RUBCN: variants seen among roughly 807,000 people sequenced by gnomAD.
RUBCN encodes the protein run domain Beclin-1-interacting and cysteine-rich domain-containing protein.
In RUBCN, 74 loss-of-function variants were observed where a neutral mutation model predicts 113.2. That is an observed-to-expected ratio of 0.65 (90% CI 0.54 to 0.79). The LOEUF is 0.79. Among genes scored for constraint, RUBCN ranks in the 30% least tolerant of loss-of-function variants. RUBCN has a pLI of 0.00. For synonymous variants in RUBCN, 480 were observed against 490.0 expected, an observed-to-expected ratio of 0.98 and a Z score of 0.27; for missense variants, 1,109 against 1,251.7, an observed-to-expected ratio of 0.89 and a Z score of 1.72.
At chr3:197,739,552 C>T (rs1265166142), upstream of RUBCN, among the ~76,000 whole-genome samples, 2 of 151,386 alleles carry the variant, frequency 1.3e-5, no homozygotes, top group Admixed American at 6.6e-5. Context: ...AAAAATTAGC[C>T]GGGCGTGGTG....
intron 11 of RUBCN, among the ~76,000 whole-genome samples, chr3:197,690,243 G>C (rs1254962694): frequency 3.9e-5 from 6 of 152,186 alleles, no homozygotes; most frequent in Non-Finnish European, 8.8e-5. Context: ...TTTGAGACCA[G>C]CCTGGCCAAC....
At chr3:197,704,218 T>A (rs1724026847) in intron 4 of RUBCN, among the ~76,000 whole-genome samples, 1 of 152,172 alleles carries the variant, frequency 6.6e-6, no homozygotes, top group South Asian at 2.1e-4. Flanking sequence ...GCAGATCACC[T>A]GAGGTTGGGA....
At chr3:197,695,033 G>A (rs992796657) in intron 9 of RUBCN, among the ~76,000 whole-genome samples, 40 of 152,370 alleles carry the variant, frequency 2.6e-4, no homozygotes, top group African/African-American at 9.4e-4. Context: ...CAGAGTCAAG[G>A]GAACCGCAAT....
chr3:197,742,718 C>A (rs1431327563), intron 1 of RUBCN, among the ~76,000 whole-genome samples: 1 of 152,186 alleles, frequency 6.6e-6, no homozygotes, highest in Non-Finnish European at 1.5e-5. Flanking sequence ...AGGGAACCTG[C>A]GGGGCACAGA....
At chr3:197,676,514 T>C (rs949235722) in intron 18 of RUBCN, 3 of 785,230 alleles carry the variant, frequency 3.8e-6, no homozygotes, top group Non-Finnish European at 5.0e-6. Flanking sequence ...GGTTTCATCA[T>C]GTTCGTCAGG....
Position 197,684,657 on chromosome 3 carries a change from T to C in RUBCN, c.1787-440A>G, listed in dbSNP as rs1316502379. Among the ~76,000 whole-genome samples, 4 of 151,430 alleles carry C rather than the reference T, an allele frequency of 2.6e-5. No homozygotes were observed. In the South Asian group the frequency reaches 8.3e-4, roughly 31 times the overall value. ...TAACTCTGTCTGGCTTATATATATA[T>C]ACATATATATATACACACACACATA... is the stretch of plus-strand genomic sequence containing the variant. On this transcript the variant is annotated intron_variant, in intron 11 of 19. Coordinates refer to ENST00000296343, the MANE Select transcript of RUBCN (RefSeq NM_014687.4).
chr3:197,696,050 G>C lies in RUBCN; in HGVS notation c.1358-69C>G. ...GAAGTCTTAAGCTTTTGTCATTAAA[G>C]ATGCTCCCAAGTCTTCCCAGGTAAC... On this transcript the variant is annotated intron_variant, in intron 8 of 19. Coordinates refer to ENST00000296343, the MANE Select transcript of RUBCN (RefSeq NM_014687.4). 4 of 1,446,990 alleles carry C rather than the reference G, an allele frequency of 2.8e-6. No individual in the cohort carries two copies. The South Asian group carries it at 3.4e-5, about 12-fold the overall frequency. 89.6% of individuals were successfully genotyped at this position (1,446,990 alleles called of 1,614,324 possible).
In RUBCN at chr3:197,675,073, T is replaced by A. The variant is rs746119558; in HGVS notation, c.2864A>T (p.Glu955Val). 1 of 1,613,410 alleles carries A rather than the reference T, an allele frequency of 6.2e-7. No homozygotes were observed. The highest frequency in any genetic ancestry group is 8.5e-7 in the Non-Finnish European group (1 of 1,179,940). Reference protein sequence around the residue: ...QSLESYLSDYEEEPAEALALE... With the variant: ...QSLESYLSDYVEEPAEALALE... ...GGCCAGCGCTTCCGCGGGCTCCTCC[T>A]CGTAGTCTGACAGGTAAGACTCCAG... Residue 955 changes from glutamate to valine, a missense_variant, in exon 20 of 20, where the codon GAG (glutamate) becomes GTG (valine). This residue lies in a region of RUBCN where 306 missense variants were observed against 348.9 expected (regional missense o/e 0.88). Coordinates refer to ENST00000296343, the MANE Select transcript of RUBCN (RefSeq NM_014687.4). This position sits in a 1 kb window ranked among gnomAD's most constrained non-coding sequence, Gnocchi z 4.4.
At chr3:197,724,406 A>G (rs1232653884) in intron 1 of RUBCN, among the ~76,000 whole-genome samples, 1 of 152,228 alleles carries the variant, frequency 6.6e-6, no homozygotes. Flanking sequence ...TATATGAAAT[A>G]TATAATAAAT....
rs930380075 is a variant in RUBCN, at chr3:197,670,981, C to T, written c.*4037G>A. ...GGGGAGGTAGAGGTGGTCACAATCC[C>T]GCCCCTCATGCCACAGTGTGCTGGT... On this transcript the variant is annotated 3_prime_UTR_variant, in exon 20 of 20. Transcript: ENST00000296343. 3.9e-5 allele frequency among the ~76,000 whole-genome samples: 6 copies of T among 152,120 alleles called. No homozygotes were observed. The highest frequency in any genetic ancestry group is 5.9e-5 in the Non-Finnish European group (4 of 68,026).
intron 16 of RUBCN, among the ~76,000 whole-genome samples, chr3:197,680,523 C>T (rs146506098): frequency 0.01 from 1,537 of 151,984 alleles, 30 homozygotes; most frequent in East Asian, 0.072. Context: ...GACTGTCCTA[C>T]GCTCTAACTG....
intron 1 of RUBCN, among the ~76,000 whole-genome samples, chr3:197,728,602 A>G: frequency 6.6e-6 from 1 of 152,236 alleles, no homozygotes; most frequent in East Asian, 1.9e-4. Context: ...CCACAACGTT[A>G]ATGTCTTCAT....
chr3:197,688,481 G>A (rs1004434108), intron 11 of RUBCN, among the ~76,000 whole-genome samples: 1 of 152,144 alleles, frequency 6.6e-6, no homozygotes, highest in African/African-American at 2.4e-5. Context: ...CATTATAGTA[G>A]AAATAATTCT....
Position 197,703,397 on chromosome 3 carries a change from CAAAAAAAAAAAAAAAA to C in RUBCN, c.570+135_570+150del, listed in dbSNP as rs1165064210. On this transcript the variant is annotated intron_variant, in intron 5 of 19. Transcript: ENST00000296343. ...TGGGAAACAGAGCGAGACTCTGTCT[CAAAAAAAAAAAAAAAA>C]AAAAAAAAAAAAAAAAAAATGCAAG... 6.3e-3 allele frequency: 984 copies of C among 155,738 alleles called. 2 individuals are homozygous for C. Among genetic ancestry groups the C allele is most frequent in the African/African-American group, 0.021 (316 of 14,710 alleles). 9.6% of individuals were successfully genotyped at this position (155,738 alleles called of 1,614,324 possible). A position where few individuals can be genotyped will look rare whatever the true frequency, so the allele number is the denominator to read the frequency against.
At chr3:197,703,464 G>T (rs929930802) in intron 5 of RUBCN, 84 bp downstream of exon 5, 17 of 494,270 alleles carry the variant, frequency 3.4e-5, no homozygotes, top group Non-Finnish European at 5.6e-5. Context: ...AAATGGCTAA[G>T]TGAAAAAGTT....
Position 197,705,161 on chromosome 3 carries a change from C to G in RUBCN, c.234G>C (p.Gln78His). ...GLIRDQACRR[Q>H]TDYWQFVKDI... ...CTTTCACGAACTGCCAGTAATCCGT[C>G]TGGCGGCGGCACGCCTGCAAAGGGA... The change falls in exon 3 of 20, where the codon CAG becomes CAC. Residue 78 changes from glutamine to histidine, a missense_variant. This residue lies in a region of RUBCN where 736 missense variants were observed against 779.6 expected (regional missense o/e 0.94). Transcript: ENST00000296343. 6.2e-7 allele frequency: 1 copy of G among 1,614,122 alleles called. No individual in the cohort carries two copies. Among genetic ancestry groups the G allele is most frequent in the East Asian group, 2.2e-5 (1 of 44,888 alleles).
chr3:197,734,221 C>G (rs1727853301), intron 1 of RUBCN, among the ~76,000 whole-genome samples: 1 of 150,220 alleles, frequency 6.7e-6, no homozygotes, highest in African/African-American at 2.5e-5. Context: ...GGTGCCACTG[C>G]ACTCCAGCCT....
exon 1 of RUBCN, chr3:197,749,299 G>A: frequency 6.2e-6 from 7 of 1,125,738 alleles, no homozygotes; most frequent in Non-Finnish European, 7.7e-6. Context: ...GTCTTATTAG[G>A]GTAGTGAACA....
intron 2 of RUBCN, among the ~76,000 whole-genome samples, chr3:197,713,137 G>T (rs996210477): frequency 1.3e-5 from 2 of 152,158 alleles, no homozygotes; most frequent in African/African-American, 4.8e-5. Context: ...GGGATTACAG[G>T]CATGAGCCAC....
Sources: gnomAD v4.1 joint callset for allele counts (sites outside exome capture counted in the v4.1 genomes callset) on GRCh38, gnomAD v4.1.1 for gene constraint, gnomAD v4.1.1 regional missense constraint, Gnocchi (gnomAD v3.1) non-coding constraint, MANE v1.5 for transcripts, NCBI Gene and HGNC (gene_info 2026-07-23, HGNC 2026-07-21) for gene names.